HMGN5: variants seen among roughly 807,000 people sequenced by gnomAD.
HMGN5 encodes the protein high mobility group nucleosome-binding domain-containing protein 5.
A neutral mutation model predicts 9.5 loss-of-function variants in HMGN5; 4 were observed. That is an observed-to-expected ratio of 0.42 (90% CI 0.21 to 0.96). The LOEUF is 0.96. Ranked by LOEUF, HMGN5 falls within the 40% of genes least tolerant of loss-of-function variation. The probability of loss-of-function intolerance (pLI) is 0.30; values close to 1 mark genes in which losing one functional copy is unlikely to be tolerated. For synonymous variants in HMGN5, 55 were observed against 57.1 expected (o/e 0.96, Z 0.16); for missense variants, 192 against 187.5 (o/e 1.02, Z -0.14).
At chrX:81,143,342 G>A (rs756541483) in intron 1 of HMGN5, among the ~76,000 whole-genome samples, 2 of 111,879 alleles carry the variant, frequency 1.8e-5, no homozygotes, top group African/African-American at 3.3e-5. Context: ...TGGAGTGGCT[G>A]AATGAATGAA....
chrX:81,169,532 T>C (rs1267759995), intron 1 of HMGN5, among the ~76,000 whole-genome samples: 4 of 110,825 alleles, frequency 3.6e-5, no homozygotes, highest in Non-Finnish European at 7.6e-5. Flanking sequence ...TGTTAAATAA[T>C]TTGTCCTTAG....
chrX:81,157,666 C>A (rs1281988539), intron 1 of HMGN5, among the ~76,000 whole-genome samples: 2 of 111,463 alleles, frequency 1.8e-5, no homozygotes, highest in African/African-American at 6.5e-5. Context: ...ACAGAATGAC[C>A]TAGTCTATAT....
intron 1 of HMGN5, among the ~76,000 whole-genome samples, chrX:81,165,857 C>T (rs765655496): frequency 9.0e-6 from 1 of 111,633 alleles, no homozygotes; most frequent in Non-Finnish European, 1.9e-5. Flanking sequence ...ATCGTTAATG[C>T]TCTAAATGCT....
At chrX:81,182,001 T>C (rs1404039959) in intron 1 of HMGN5, among the ~76,000 whole-genome samples, 1 of 111,675 alleles carries the variant, frequency 9.0e-6, no homozygotes, top group Non-Finnish European at 1.9e-5. Flanking sequence ...GCTCTATTTT[T>C]AGTTTTTTGA....
chrX:81,156,373 T>C (rs988623407), intron 1 of HMGN5, among the ~76,000 whole-genome samples: 8 of 111,532 alleles, frequency 7.2e-5, no homozygotes, highest in Non-Finnish European at 1.5e-4. Flanking sequence ...TTTTATTTAA[T>C]CAAAATGACT....
intron 2 of HMGN5, among the ~76,000 whole-genome samples, chrX:81,120,773 A>T (rs2075266310): frequency 9.0e-6 from 1 of 111,560 alleles, no homozygotes; most frequent in Non-Finnish European, 1.9e-5. Context: ...TTGTGAAGTG[A>T]GGGTTTGCAG....
chrX:81,159,499 A>T (rs761704194), intron 1 of HMGN5, among the ~76,000 whole-genome samples: 3 of 111,838 alleles, frequency 2.7e-5, no homozygotes, highest in Non-Finnish European at 5.6e-5. Context: ...TATGACGATC[A>T]TGTCCTATTT....
At chrX:81,146,148 G>T (rs757470183) in intron 1 of HMGN5, among the ~76,000 whole-genome samples, 1 of 111,429 alleles carries the variant, frequency 9.0e-6, no homozygotes, top group African/African-American at 3.3e-5. Flanking sequence ...GGACCAAGTG[G>T]ACCTAAAAGA....
intron 1 of HMGN5, among the ~76,000 whole-genome samples, chrX:81,169,924 C>G (rs774704007): frequency 1.8e-5 from 2 of 108,122 alleles, no homozygotes; most frequent in Non-Finnish European, 3.8e-5. Flanking sequence ...CATGGTGGTG[C>G]GCTCCTGTAG....
intron 1 of HMGN5, among the ~76,000 whole-genome samples, chrX:81,174,519 TAA>T (rs933774450): frequency 3.5e-4 from 39 of 111,520 alleles, no homozygotes; most frequent in Non-Finnish European, 7.0e-4. Context: ...GGAATAAATA[TAA>T]AGTTTGTCCT....
intron 1 of HMGN5, chrX:81,197,625 TAA>T (rs1277184174): frequency 9.0e-6 from 1 of 110,869 alleles, no homozygotes; most frequent in Non-Finnish European, 1.9e-5. Flanking sequence ...TCAGTGATGA[TAA>T]AGAGTGCTTC....
intron 1 of HMGN5, among the ~76,000 whole-genome samples, chrX:81,168,431 G>A (rs1180151422): frequency 1.8e-5 from 2 of 111,463 alleles, no homozygotes; most frequent in African/African-American, 3.3e-5. Context: ...GTATTTGGTG[G>A]GGGGCTGACT....
At chrX:81,153,233 A>C (rs2075369935) in intron 1 of HMGN5, among the ~76,000 whole-genome samples, 1 of 108,617 alleles carries the variant, frequency 9.2e-6, no homozygotes, top group Non-Finnish European at 1.9e-5. Flanking sequence ...TCAACGAAAT[A>C]CTTCAAAACT....
chrX:81,169,137 T>C (rs1201830726), intron 1 of HMGN5, among the ~76,000 whole-genome samples: 3 of 111,501 alleles, frequency 2.7e-5, no homozygotes, highest in Non-Finnish European at 5.6e-5. Flanking sequence ...AAAATGCTCA[T>C]CTTGAAAAAG....
At chrX:81,167,003 A>G (rs1228871965) in intron 1 of HMGN5, among the ~76,000 whole-genome samples, 1 of 111,320 alleles carries the variant, frequency 9.0e-6, no homozygotes, top group African/African-American at 3.3e-5. Context: ...TTCAGAATAG[A>G]TATCACTAGG....
intron 1 of HMGN5, among the ~76,000 whole-genome samples, chrX:81,146,743 A>G (rs1232011748): frequency 1.8e-5 from 2 of 111,813 alleles, no homozygotes; most frequent in Non-Finnish European, 3.8e-5. Context: ...AAATAGATAG[A>G]CTGCTAGTCA....
intron 1 of HMGN5, among the ~76,000 whole-genome samples, chrX:81,127,508 C>A (rs774344308): frequency 9.0e-6 from 1 of 111,274 alleles, no homozygotes; most frequent in African/African-American, 3.3e-5. Flanking sequence ...AAGTTAAATG[C>A]GATTTTTTAG....
rs2057278947 is a variant in HMGN5 at position 81,118,732 on chromosome X, C to G, written c.73G>C (p.Ala25Pro). Residue 25 changes from alanine to proline, a missense_variant and splice_region_variant, in exon 4 of 7, where the codon GCT becomes CCT. Physicochemically the swap from Ala to Pro is conservative, Grantham distance 27. Transcript: ENST00000358130. ...TGCTTTTTGAAAAGATTACTTACAGCAGACAACCTGGCAGATCTTCTCTTT... is the reference window on the plus strand; with the variant it reads ...TGCTTTTTGAAAAGATTACTTACAGGAGACAACCTGGCAGATCTTCTCTTT... ...EPKRRSARLS[A>P]MLVPVTPEVK... is the part of the protein sequence containing the mutation. 8 of 1,195,877 alleles carry G rather than the reference C, an allele frequency of 6.7e-6. No homozygotes were observed. Among genetic ancestry groups the G allele is most frequent in the Non-Finnish European group, 7.9e-6 (7 of 885,371 alleles).
chrX:81,180,694 T>C (rs1358898038), intron 1 of HMGN5, among the ~76,000 whole-genome samples: 4 of 111,832 alleles, frequency 3.6e-5, no homozygotes, highest in African/African-American at 1.3e-4. Context: ...GCAATCCTAT[T>C]ACTGGATATA....
Sources: allele counts gnomAD v4.1 joint callset (sites outside exome capture counted in the v4.1 genomes callset), GRCh38; gene constraint gnomAD v4.1.1; transcripts MANE v1.5; gene names NCBI Gene and HGNC (gene_info 2026-07-23, HGNC 2026-07-21).